The following TRPS1 variants were observed in gnomAD, a reference collection of about 807,000 sequenced individuals.
The protein encoded by TRPS1 is transcriptional repressor GATA binding 1.
In TRPS1, 6 loss-of-function variants were observed where a neutral mutation model predicts 101.2. The observed-to-expected ratio is 0.06, with a 90% confidence interval of 0.03 to 0.12. The LOEUF is 0.12. Among genes scored for constraint, TRPS1 ranks in the 10% least tolerant of loss-of-function variants. TRPS1 has a pLI of 1.00. For missense variants in TRPS1, 1,363 were observed against 1,567.0 expected, an observed-to-expected ratio of 0.87 and a Z score of 2.20; for synonymous variants, 578 against 589.8, an observed-to-expected ratio of 0.98 and a Z score of 0.29.
intron 5 of TRPS1, among the ~76,000 whole-genome samples, chr8:115,572,988 C>T (rs1302632858): frequency 6.6e-6 from 1 of 151,838 alleles, no homozygotes; most frequent in Non-Finnish European, 1.5e-5. Context: ...ACAAAATTAG[C>T]CAGGCGTGGT....
chr8:115,465,314 G>A (rs1814290156), intron 5 of TRPS1, among the ~76,000 whole-genome samples: 1 of 151,956 alleles, frequency 6.6e-6, no homozygotes, highest in Non-Finnish European at 1.5e-5. Context: ...CATAGTTCTA[G>A]CATCAAAAAT....
intron 5 of TRPS1, among the ~76,000 whole-genome samples, chr8:115,444,284 T>C (rs2129896658): frequency 6.6e-6 from 1 of 152,062 alleles, no homozygotes; most frequent in Non-Finnish European, 1.5e-5. Context: ...GTGTCCAACA[T>C]GGTACATACA....
chr8:115,640,212 A>T (rs1818864089), intron 1 of TRPS1, among the ~76,000 whole-genome samples: 1 of 152,200 alleles, frequency 6.6e-6, no homozygotes, highest in Non-Finnish European at 1.5e-5. Context: ...CTCGTGATGG[A>T]TTATTAATTT....
chr8:115,500,258 G>C (rs1404170895), intron 5 of TRPS1, among the ~76,000 whole-genome samples: 1 of 152,022 alleles, frequency 6.6e-6, no homozygotes, highest in Non-Finnish European at 1.5e-5. Context: ...TCGAACTCCT[G>C]ACCTTGTGAT....
chr8:115,520,798 A>T (rs1815840281), intron 5 of TRPS1, among the ~76,000 whole-genome samples: 1 of 151,824 alleles, frequency 6.6e-6, no homozygotes, highest in Admixed American at 6.6e-5. Context: ...TTAATGTGCC[A>T]TTACCTTATT....
chr8:115,624,327 A>T (rs1202759875), intron 1 of TRPS1, among the ~76,000 whole-genome samples: 5 of 151,922 alleles, frequency 3.3e-5, no homozygotes. Context: ...GAGAAAGAGG[A>T]GGTAAAGAAT....
At chr8:115,615,736 G>A (rs1203249017) in intron 3 of TRPS1, among the ~76,000 whole-genome samples, 2 of 152,084 alleles carry the variant, frequency 1.3e-5, no homozygotes, top group Non-Finnish European at 2.9e-5. Context: ...ACTCCAGCCT[G>A]GGTGACAGAG....
intron 5 of TRPS1, among the ~76,000 whole-genome samples, chr8:115,469,226 G>A (rs1169116897): frequency 1.3e-5 from 2 of 152,160 alleles, no homozygotes; most frequent in Non-Finnish European, 2.9e-5. Context: ...AGTGTGAAGT[G>A]GCCTAAGATT....
intron 3 of TRPS1, among the ~76,000 whole-genome samples, chr8:115,610,561 T>C (rs993405186): frequency 3.9e-5 from 6 of 152,158 alleles, no homozygotes; most frequent in Admixed American, 3.9e-4. Context: ...ACAACTCCCT[T>C]ATTTGGATTT....
chr8:115,622,959 C>G (rs1818429662), intron 2 of TRPS1, among the ~76,000 whole-genome samples: 1 of 152,022 alleles, frequency 6.6e-6, no homozygotes, highest in African/African-American at 2.4e-5. Flanking sequence ...TAAAAATTAA[C>G]TTATTTTTCA....
intron 5 of TRPS1, among the ~76,000 whole-genome samples, chr8:115,556,915 T>C (rs557277606): frequency 2.0e-5 from 3 of 152,306 alleles, no homozygotes; most frequent in African/African-American, 7.2e-5. Context: ...TGGAGTTTAC[T>C]GGTTGTATTA....
Position 115,623,649 on chromosome 8 carries a change from G to A in TRPS1, c.-12C>T, listed in dbSNP as rs1818445933. 6.2e-7 allele frequency: 1 copy of A among 1,611,088 alleles called. No individual in the cohort carries two copies. The highest frequency in any genetic ancestry group is 1.3e-5 in the African/African-American group (1 of 74,886). On this transcript the variant is annotated 5_prime_UTR_variant, in exon 2 of 7. Coordinates refer to ENST00000395715, the MANE Select transcript of TRPS1 (RefSeq NM_014112.5). ...ACTTCATAAGGCATGTGGCTTTAGA[G>A]TGCTTTTTACAATTATTAATTCTAT...
intron 1 of TRPS1, among the ~76,000 whole-genome samples, chr8:115,647,235 C>A (rs1811431748): frequency 6.6e-6 from 1 of 152,032 alleles, no homozygotes; most frequent in Admixed American, 6.6e-5. Flanking sequence ...AACAGCCCTA[C>A]TAAAAATACT....
At chr8:115,659,896 C>A (rs1286522887) in intron 1 of TRPS1, among the ~76,000 whole-genome samples, 1 of 151,864 alleles carries the variant, frequency 6.6e-6, no homozygotes, top group African/African-American at 2.4e-5. Context: ...AAAGTCATTT[C>A]AAAAAATATG....
At chr8:115,495,025 G>T (rs940310457) in intron 5 of TRPS1, among the ~76,000 whole-genome samples, 1 of 152,110 alleles carries the variant, frequency 6.6e-6, no homozygotes, top group African/African-American at 2.4e-5. Flanking sequence ...AAGAGAATGG[G>T]ATGACTTAAA....
chr8:115,414,921 C>T lies in TRPS1; in HGVS notation c.2987G>A (p.Arg996Lys), dbSNP rs1812879131. 2 of 1,606,756 alleles carry T rather than the reference C, an allele frequency of 1.2e-6. No homozygotes were observed. Among genetic ancestry groups the T allele is most frequent in the Admixed American group, 1.7e-5 (1 of 59,216 alleles). ...EQVNGSPLER[R>K]SEDHLTESHQ... ...ACTTTCAGTTAGATGATCTTCTGAC[C>T]TCCTCTCTAACGGGCTTCCATTGAC... is the stretch of plus-strand genomic sequence containing the variant. The change falls in exon 7 of 7, where the codon AGG (arginine) becomes AAG (lysine). Residue 996 changes from arginine to lysine, a missense_variant. This residue lies in a region of TRPS1 where 307 missense variants were observed against 392.4 expected (regional missense o/e 0.78). Coordinates refer to ENST00000395715, the MANE Select transcript of TRPS1 (RefSeq NM_014112.5). The surrounding 1 kb of genome is among the most constrained non-coding windows in gnomAD (Gnocchi z 4.8).
At chr8:115,468,952 C>G (rs1814395051) in intron 5 of TRPS1, among the ~76,000 whole-genome samples, 1 of 151,848 alleles carries the variant, frequency 6.6e-6, no homozygotes, top group Non-Finnish European at 1.5e-5. Flanking sequence ...CCAGTCTGGG[C>G]AACATAGATA....
chr8:115,436,964 G>A (rs559034399), intron 5 of TRPS1, among the ~76,000 whole-genome samples: 74 of 152,134 alleles, frequency 4.9e-4, no homozygotes, highest in African/African-American at 1.4e-3. Context: ...AGATACAGAC[G>A]TATACATATT....
At chr8:115,510,366 A>G (rs1260242273) in intron 5 of TRPS1, among the ~76,000 whole-genome samples, 2 of 151,986 alleles carry the variant, frequency 1.3e-5, no homozygotes, top group African/African-American at 4.8e-5. Flanking sequence ...AAAATTGTGC[A>G]GTTGCAGACA....
Sources: allele counts gnomAD v4.1 joint callset (sites outside exome capture counted in the v4.1 genomes callset), GRCh38; gene constraint gnomAD v4.1.1; regional missense constraint gnomAD v4.1.1; non-coding constraint Gnocchi (gnomAD v3.1); transcripts MANE v1.5; gene names NCBI Gene and HGNC (gene_info 2026-07-23, HGNC 2026-07-21).